Variants in PAAF1 observed in about 807,000 individuals in gnomAD.
PAAF1 encodes the protein proteasomal ATPase-associated factor 1.
In PAAF1, 46 loss-of-function variants were observed where a neutral mutation model predicts 52.8. The ratio of observed to expected loss-of-function variants is 0.87; its 90% CI spans 0.69 to 1.11. The LOEUF (loss-of-function observed/expected upper bound fraction) is 1.11, where lower values mean the gene tolerates loss of function less well. Among genes scored for constraint, PAAF1 ranks in the 50% most tolerant of loss-of-function variants. The pLI, the probability that PAAF1 is intolerant of heterozygous loss-of-function variation, is 0.00. For missense variants in PAAF1, 424 were observed against 477.4 expected (o/e 0.89, Z 1.04); for synonymous variants, 178 against 172.8 (o/e 1.03, Z -0.24).
chr11:73,880,232 C>A (rs542897653), intron 2 of PAAF1: 1 of 151,720 alleles, frequency 6.6e-6, no homozygotes, highest in Non-Finnish European at 1.5e-5. Context: ...TGCGTGGTCT[C>A]CTACCCTGGA....
chr11:73,907,142 T>C (rs2515095), intron 6 of PAAF1, among the ~76,000 whole-genome samples: 11,012 of 152,114 alleles, frequency 0.072, 585 homozygotes, highest in African/African-American at 0.15. Flanking sequence ...TTATGCTGTG[T>C]ATTCCTGAGG....
chr11:73,927,653 G>A lies in PAAF1; in HGVS notation c.*291G>A. ...ATGCTTTTAGTTTGTTCTTAAACCA[G>A]TTTTGTTAAATGTTTACAAGGACCT... On this transcript the variant is annotated 3_prime_UTR_variant, in exon 12 of 12. Coordinates refer to ENST00000310571, the MANE Select transcript of PAAF1 (RefSeq NM_025155.3). 1 of 431,750 alleles carries A rather than the reference G, an allele frequency of 2.3e-6. No homozygotes were observed. The highest frequency in any genetic ancestry group is 4.0e-5 in the East Asian group (1 of 25,300). The allele number at this position is 431,750 out of a possible 1,614,324, so 26.7% of individuals were successfully genotyped here.
intron 4 of PAAF1, among the ~76,000 whole-genome samples, chr11:73,895,833 G>A (rs573227376): frequency 2.6e-5 from 4 of 152,316 alleles, no homozygotes; most frequent in South Asian, 2.1e-4. Flanking sequence ...GAGGCTGGGC[G>A]CGGTGGCTCA....
intron 2 of PAAF1, chr11:73,879,624 G>A (rs1325631529): frequency 6.6e-6 from 1 of 152,042 alleles, no homozygotes; most frequent in Non-Finnish European, 1.5e-5. Flanking sequence ...CTAGCACTTT[G>A]GGAAGCTGAG....
chr11:73,899,546 A>G (rs2037994204), intron 5 of PAAF1, among the ~76,000 whole-genome samples: 1 of 150,648 alleles, frequency 6.6e-6, no homozygotes, highest in Admixed American at 6.6e-5. Flanking sequence ...CAAGTAGCTG[A>G]GATTACAGGC....
intron 6 of PAAF1, among the ~76,000 whole-genome samples, chr11:73,906,598 A>G (rs766650093): frequency 7.2e-5 from 11 of 152,192 alleles, no homozygotes; most frequent in Non-Finnish European, 1.0e-4. Context: ...AAGTTACACT[A>G]TAGTGATTAG....
intron 1 of PAAF1, 116 bp downstream of exon 1, chr11:73,877,184 G>A: frequency 1.9e-6 from 2 of 1,079,914 alleles, no homozygotes; most frequent in Non-Finnish European, 2.5e-6. Flanking sequence ...AATTGTCGAG[G>A]GATATGGAGG....
At chr11:73,910,571 C>A (rs1402614136) in intron 7 of PAAF1, among the ~76,000 whole-genome samples, 1 of 152,046 alleles carries the variant, frequency 6.6e-6, no homozygotes, top group Non-Finnish European at 1.5e-5. Flanking sequence ...TCTTATTTTC[C>A]CATAATAATA....
At chr11:73,910,394 G>T (rs1949895184) in intron 7 of PAAF1, among the ~76,000 whole-genome samples, 1 of 152,204 alleles carries the variant, frequency 6.6e-6, no homozygotes, top group South Asian at 2.1e-4. Flanking sequence ...AGGGCAAGGG[G>T]TAGGTGTAGG....
chr11:73,896,733 A>G (rs942310820), intron 4 of PAAF1, among the ~76,000 whole-genome samples: 42 of 152,172 alleles, frequency 2.8e-4, no homozygotes, highest in Non-Finnish European at 1.5e-4. Flanking sequence ...CCGATTCTCA[A>G]TCTTTTCCCC....
intron 6 of PAAF1, among the ~76,000 whole-genome samples, chr11:73,902,071 G>A (rs1949635455): frequency 6.6e-6 from 1 of 151,526 alleles, no homozygotes; most frequent in African/African-American, 2.4e-5. Flanking sequence ...CGCTGTGTTG[G>A]CTGGGCTGGT....
chr11:73,910,049 GA>G (rs1440585506), intron 7 of PAAF1, among the ~76,000 whole-genome samples: 3 of 152,170 alleles, frequency 2.0e-5, no homozygotes, highest in African/African-American at 7.2e-5. Context: ...AACATTTAGA[GA>G]ACAGTAACAT....
In PAAF1 at chr11:73,929,873, A is replaced by G. The variant is rs1950432007; in HGVS notation, c.*2511A>G. 1 of 152,100 alleles carries G rather than the reference A, an allele frequency of 6.6e-6. No homozygotes were observed. Among genetic ancestry groups the G allele is most frequent in the Non-Finnish European group, 1.5e-5 (1 of 68,092 alleles). 9.4% of individuals were successfully genotyped at this position (152,100 alleles called of 1,614,324 possible). A position where few individuals can be genotyped will look rare whatever the true frequency, so the allele number is the denominator to read the frequency against. ...GGAGTTCGAGACCAGCCTGACCAAC[A>G]TGGAGAAACCCCGTCTCTACTAAAA... On this transcript the variant is annotated 3_prime_UTR_variant, in exon 12 of 12. Transcript: ENST00000310571.
intron 9 of PAAF1, among the ~76,000 whole-genome samples, chr11:73,917,509 G>C (rs1404597331): frequency 2.0e-5 from 3 of 152,022 alleles, no homozygotes; most frequent in Admixed American, 6.6e-5. Flanking sequence ...TTTTTCAACT[G>C]ATATTTATTG....
chr11:73,922,942 C>T (rs1032905817), intron 10 of PAAF1, among the ~76,000 whole-genome samples: 3 of 151,756 alleles, frequency 2.0e-5, no homozygotes, highest in Admixed American at 6.6e-5. Context: ...TTTTTTGATG[C>T]AAATTGCCAA....
At chr11:73,899,350 C>A (rs1235716046) in intron 5 of PAAF1, 106 bp downstream of exon 5, 3 of 704,538 alleles carry the variant, frequency 4.3e-6, no homozygotes, top group African/African-American at 3.6e-5. Flanking sequence ...AATGTGGGAC[C>A]ACTCTGCATG....
At chr11:73,877,140 C>A in intron 1 of PAAF1, 72 bp downstream of exon 1, 1 of 1,419,414 alleles carries the variant, frequency 7.0e-7, no homozygotes, top group Non-Finnish European at 9.4e-7. Flanking sequence ...GAGAGCCATG[C>A]CTGGTCCAGG....
At chr11:73,922,095 G>A (rs2135231998) in intron 10 of PAAF1, 2 of 922,720 alleles carry the variant, frequency 2.2e-6, no homozygotes, top group South Asian at 2.6e-5. Flanking sequence ...TGTCTCTCTG[G>A]GGGCAGGTCC....
intron 1 of PAAF1, chr11:73,877,298 C>G (rs1033324101): frequency 2.6e-6 from 1 of 380,976 alleles, no homozygotes; most frequent in Non-Finnish European, 4.6e-6. Flanking sequence ...CGCGTCAGAA[C>G]TAGTATCAGT....
Sources: allele counts gnomAD v4.1 joint callset (sites outside exome capture counted in the v4.1 genomes callset), GRCh38; gene constraint gnomAD v4.1.1; transcripts MANE v1.5; gene names NCBI Gene and HGNC (gene_info 2026-07-23, HGNC 2026-07-21).